The following TBC1D32 variants were observed in gnomAD, a reference collection of about 807,000 sequenced individuals.
The protein encoded by TBC1D32 is protein broad-minded.
Under a neutral mutation model 170.3 loss-of-function variants are expected in TBC1D32, and 151 were observed. That is an observed-to-expected ratio of 0.89 (90% CI 0.78 to 1.01). The LOEUF (loss-of-function observed/expected upper bound fraction) is 1.01, where lower values mean the gene tolerates loss of function less well. Among genes scored for constraint, TBC1D32 ranks in the 50% least tolerant of loss-of-function variants. The pLI is 0.00. For synonymous variants in TBC1D32, 498 were observed against 488.0 expected (o/e 1.02, Z -0.27); for missense variants, 1,464 against 1,457.1 (o/e 1.00, Z -0.08).
chr6:121,138,403 G>T (rs371234811), intron 24 of TBC1D32, among the ~76,000 whole-genome samples: 1 of 152,112 alleles, frequency 6.6e-6, no homozygotes, highest in Non-Finnish European at 1.5e-5. Context: ...ACTAGTAGAA[G>T]ATCTATTTTC....
At chr6:121,175,560 A>T (rs1787649834) in intron 22 of TBC1D32, among the ~76,000 whole-genome samples, 1 of 152,234 alleles carries the variant, frequency 6.6e-6, no homozygotes, top group Non-Finnish European at 1.5e-5. Context: ...GATGTAATTT[A>T]TGACATCAAT....
At chr6:121,203,906 T>A (rs1791904023) in intron 22 of TBC1D32, among the ~76,000 whole-genome samples, 1 of 151,254 alleles carries the variant, frequency 6.6e-6, no homozygotes, top group Non-Finnish European at 1.5e-5. Flanking sequence ...GATTGCTTTT[T>A]ATATAACTTA....
intron 24 of TBC1D32, among the ~76,000 whole-genome samples, chr6:121,153,317 T>C (rs143118570): frequency 1.1e-4 from 16 of 152,280 alleles, no homozygotes; most frequent in African/African-American, 3.8e-4. Flanking sequence ...GGTATCACCA[T>C]TGGAGGTTGC....
chr6:121,272,739 C>G (rs547237451), intron 15 of TBC1D32, among the ~76,000 whole-genome samples: 1 of 152,170 alleles, frequency 6.6e-6, no homozygotes, highest in Non-Finnish European at 1.5e-5. Flanking sequence ...TACCATTTGA[C>G]CCGGCCATCC....
intron 30 of TBC1D32, among the ~76,000 whole-genome samples, chr6:121,092,108 C>G (rs975694531): frequency 1.3e-5 from 2 of 152,012 alleles, no homozygotes; most frequent in Admixed American, 6.6e-5. Flanking sequence ...CTTTTGGCTC[C>G]AGAACTGTGA....
chr6:121,329,481 G>A (rs564765856), intron 1 of TBC1D32, among the ~76,000 whole-genome samples: 13 of 152,020 alleles, frequency 8.6e-5, no homozygotes, highest in South Asian at 4.2e-4. Flanking sequence ...GTGAAACCTC[G>A]TCTCTACTAA....
rs771736555 is a variant in TBC1D32 at position 121,239,191 on chromosome 6, A to G, written c.2246-3T>C. On this transcript the variant is annotated splice_region_variant and splice_polypyrimidine_tract_variant and intron_variant, in intron 19 of 31. Coordinates refer to ENST00000398212, the MANE Select transcript of TBC1D32 (RefSeq NM_152730.6). ...AGTTATAAGTTCATTAATAAACCCT[A>G]AAAAGAATTATTACTTCAAGTCATT... 6.7e-7 allele frequency: 1 copy of G among 1,497,818 alleles called. No individual in the cohort carries two copies. The highest frequency in any genetic ancestry group is 1.7e-5 in the Admixed American group (1 of 59,542). 92.8% of individuals were successfully genotyped at this position (1,497,818 alleles called of 1,614,324 possible). A position where few individuals can be genotyped will look rare whatever the true frequency, so the allele number is the denominator to read the frequency against.
In TBC1D32 at chr6:121,256,108, T is replaced by C. The variant is rs1798971040; in HGVS notation, c.1911A>G (p.Glu637=). The change falls in exon 16 of 32, where the codon GAA becomes GAG. Residue 637 remains glutamate (E), a synonymous_variant. Coordinates refer to ENST00000398212, the MANE Select transcript of TBC1D32 (RefSeq NM_152730.6). The stretch of plus-strand genomic sequence containing the variant: ...CCTTTTTCCATGCCTTTGCTATAGA[T>C]TCATGCAAATTATAAGTGATTAACA... ...LQVLITYNLH[E]SIAKAWKKTS... 1.2e-6 allele frequency: 2 copies of C among 1,612,852 alleles called. No individual in the cohort carries two copies. Among genetic ancestry groups the C allele is most frequent in the African/African-American group, 1.3e-5 (1 of 74,852 alleles).
intron 24 of TBC1D32, among the ~76,000 whole-genome samples, chr6:121,154,117 T>G (rs2128237674): frequency 6.6e-6 from 1 of 151,732 alleles, no homozygotes; most frequent in East Asian, 1.9e-4. Context: ...TGAAACCTTG[T>G]GGTGTAGGCA....
At chr6:121,220,524 T>C (rs1335637896) in intron 21 of TBC1D32, among the ~76,000 whole-genome samples, 1 of 152,154 alleles carries the variant, frequency 6.6e-6, no homozygotes, top group East Asian at 1.9e-4. Context: ...AGAAGCTGTC[T>C]GAATAACATG....
intron 22 of TBC1D32, among the ~76,000 whole-genome samples, chr6:121,195,936 A>G (rs1336160509): frequency 1.3e-5 from 2 of 152,186 alleles, no homozygotes; most frequent in Non-Finnish European, 2.9e-5. Flanking sequence ...TTATACACTG[A>G]TTCATGGGCT....
chr6:121,102,757 A>G (rs1778259841), intron 30 of TBC1D32, among the ~76,000 whole-genome samples: 1 of 152,162 alleles, frequency 6.6e-6, no homozygotes, highest in Admixed American at 6.6e-5. Context: ...ATTAAACTAA[A>G]GAGCTTCTGC....
At position 121,304,426 on chromosome 6, in the gene TBC1D32, C is replaced by T. The variant is rs1489906890; in HGVS notation, c.874G>A (p.Val292Ile). 5 of 1,612,874 alleles carry T rather than the reference C, an allele frequency of 3.1e-6. No homozygotes were observed. The South Asian group carries it at 3.3e-5, about 11-fold the overall frequency. ...TTCTGATATTCATTTAGAAGACGAA[C>T]CTACAAAGCAGTGCACAATAGTTCT... is the stretch of plus-strand genomic sequence containing the variant. ...NPNMTRLLKK[V>I]RLLNEYQKEA... The change falls in exon 8 of 32, where the codon GTT (valine) becomes ATT (isoleucine). Residue 292 changes from valine (V) to isoleucine (I), a missense_variant and splice_region_variant. Physicochemically the swap from Val to Ile is conservative, Grantham distance 29. Around this residue, in one of 3 missense-constraint regions of TBC1D32, gnomAD observed 1,363 missense variants for 1,338.1 expected, o/e 1.02. Transcript: ENST00000398212.
At chr6:121,237,754 T>C (rs1036958003) in intron 20 of TBC1D32, among the ~76,000 whole-genome samples, 3 of 152,094 alleles carry the variant, frequency 2.0e-5, no homozygotes, top group African/African-American at 7.2e-5. Context: ...TTATTCATTA[T>C]AAGGATATTT....
intron 24 of TBC1D32, among the ~76,000 whole-genome samples, chr6:121,157,788 C>A (rs1235847484): frequency 6.6e-6 from 1 of 151,946 alleles, no homozygotes; most frequent in African/African-American, 2.4e-5. Context: ...ATATTAAATT[C>A]TTGGTTGAAA....
rs549011304 is a variant in TBC1D32, at chr6:121,298,579, C to T, written c.1140+867G>A. 1.1e-4 allele frequency among the ~76,000 whole-genome samples: 16 copies of T among 152,014 alleles called. No homozygotes were observed. In the South Asian group the frequency reaches 3.1e-3, roughly 30 times the overall value. ...GAGAGAAAAATCAAATGTGGAAAAA[C>T]CTATTTAAATTCAATTTCTTTAAAA... On this transcript the variant is annotated intron_variant, in intron 10 of 31. Coordinates refer to ENST00000398212, the MANE Select transcript of TBC1D32 (RefSeq NM_152730.6).
At chr6:121,160,147 A>T (rs775086277) in intron 23 of TBC1D32, 44 bp from the exon 24 acceptor site, 1 of 1,192,784 alleles carries the variant, frequency 8.4e-7, no homozygotes, top group East Asian at 2.4e-5. Context: ...GTGGTCTAAA[A>T]TAATATTGAA....
intron 17 of TBC1D32, among the ~76,000 whole-genome samples, chr6:121,254,367 T>A (rs892733105): frequency 2.0e-5 from 3 of 152,124 alleles, no homozygotes; most frequent in Admixed American, 2.0e-4. Flanking sequence ...CAAAAGCACC[T>A]GTACCCCAAA....
At chr6:121,302,529 G>A (rs76200622) in intron 9 of TBC1D32, among the ~76,000 whole-genome samples, 1 of 151,830 alleles carries the variant, frequency 6.6e-6, no homozygotes, top group Non-Finnish European at 1.5e-5. Context: ...AGTAAAATAT[G>A]ACTGATTTTG....
Sources: allele counts gnomAD v4.1 joint callset (sites outside exome capture counted in the v4.1 genomes callset), GRCh38; gene constraint gnomAD v4.1.1; regional missense constraint gnomAD v4.1.1; transcripts MANE v1.5; gene names NCBI Gene and HGNC (gene_info 2026-07-23, HGNC 2026-07-21).